PPP1R17: variants seen among roughly 807,000 people sequenced by gnomAD.
PPP1R17 encodes the protein protein phosphatase 1 regulatory subunit 17.
PPP1R17 carries 12 observed loss-of-function variants against 15.9 expected under a neutral mutation model. The ratio of observed to expected loss-of-function variants is 0.75; its 90% CI spans 0.48 to 1.22. PPP1R17 has a LOEUF of 1.22. Ranked by LOEUF, PPP1R17 falls within the 50% of genes most tolerant of loss-of-function variation. PPP1R17 has a pLI of 0.00. For synonymous variants in PPP1R17, 63 were observed against 64.5 expected, an observed-to-expected ratio of 0.98 and a Z score of 0.11; for missense variants, 211 against 187.3, an observed-to-expected ratio of 1.13 and a Z score of -0.74.
chr7:31,696,907 A>G, intron 3 of PPP1R17, 58 bp from the exon 4 acceptor site: 1 of 1,568,232 alleles, frequency 6.4e-7, no homozygotes, highest in Non-Finnish European at 8.7e-7. Flanking sequence ...CACAGTCCTC[A>G]TATATTAGGA....
intron 4 of PPP1R17, among the ~76,000 whole-genome samples, 200 bp downstream of exon 4, chr7:31,697,317 T>C (rs1413580911): frequency 6.6e-6 from 1 of 152,072 alleles, no homozygotes; most frequent in Non-Finnish European, 1.5e-5. Context: ...GATGTGGGGA[T>C]GGGAAAGGGT....
chr7:31,695,635 TC>T lies in PPP1R17; in HGVS notation c.235+15del. 6.2e-7 allele frequency: 1 copy of T among 1,608,140 alleles called. No individual in the cohort carries two copies. Among genetic ancestry groups the T allele is most frequent in the Non-Finnish European group, 8.5e-7 (1 of 1,178,128 alleles). ...CTTTCATACCAGGTAATGGACAAAG[TC>T]ATCTGCACAGCTGTAAAGGAGAGCC... On this transcript the variant is annotated intron_variant, in intron 3 of 4. Transcript: ENST00000342032.
intron 1 of PPP1R17, among the ~76,000 whole-genome samples, chr7:31,691,158 T>G (rs1381051089): frequency 6.6e-6 from 1 of 152,110 alleles, no homozygotes; most frequent in Non-Finnish European, 1.5e-5. Flanking sequence ...CTGCACAGAG[T>G]GACTCTAAAA....
At chr7:31,698,373 T>A (rs1366124544) in intron 4 of PPP1R17, among the ~76,000 whole-genome samples, 1 of 152,164 alleles carries the variant, frequency 6.6e-6, no homozygotes, top group Non-Finnish European at 1.5e-5. Flanking sequence ...CACTTCCAAT[T>A]ACCTCTATCT....
intron 4 of PPP1R17, among the ~76,000 whole-genome samples, chr7:31,699,896 GTTAAC>G (rs1159763327): frequency 2.6e-5 from 4 of 152,012 alleles, no homozygotes; most frequent in Non-Finnish European, 5.9e-5. Context: ...ATATAAGACT[GTTAAC>G]TTAATCTATA....
At chr7:31,700,455 A>G (rs1342632266) in intron 4 of PPP1R17, among the ~76,000 whole-genome samples, 1 of 152,216 alleles carries the variant, frequency 6.6e-6, no homozygotes, top group Non-Finnish European at 1.5e-5. Flanking sequence ...GATTCATGAT[A>G]TTTAAGGAAA....
At chr7:31,693,362 A>G (rs952414667) in intron 2 of PPP1R17, among the ~76,000 whole-genome samples, 1 of 152,210 alleles carries the variant, frequency 6.6e-6, no homozygotes, top group African/African-American at 2.4e-5. Context: ...ACACATGACT[A>G]TGGCATGTAA....
chr7:31,707,512 C>T lies in PPP1R17; in HGVS notation c.*229C>T. 4.0e-6 allele frequency: 2 copies of T among 495,310 alleles called. No individual in the cohort carries two copies. The highest frequency in any genetic ancestry group is 3.8e-5 in the Admixed American group (1 of 26,350). The allele number at this position is 495,310 out of a possible 1,614,324, so 30.7% of individuals were successfully genotyped here. A position where few individuals can be genotyped will look rare whatever the true frequency, so the allele number is the denominator to read the frequency against. ...TGTTTTGAATTTTTATTTTCTAATG[C>T]AGTGGAAAAGAAACAGATCATCCTA... On this transcript the variant is annotated 3_prime_UTR_variant, in exon 5 of 5. Coordinates refer to ENST00000342032, the MANE Select transcript of PPP1R17 (RefSeq NM_006658.5).
At chr7:31,696,398 T>C (rs940231036) in intron 3 of PPP1R17, among the ~76,000 whole-genome samples, 1 of 152,232 alleles carries the variant, frequency 6.6e-6, no homozygotes, top group African/African-American at 2.4e-5. Context: ...AAGGGAGTTC[T>C]TAAAAAGGAC....
intron 4 of PPP1R17, among the ~76,000 whole-genome samples, chr7:31,698,876 T>TA (rs1792726248): frequency 1.3e-5 from 2 of 152,146 alleles, no homozygotes; most frequent in Non-Finnish European, 2.9e-5. Flanking sequence ...GTCATGGGGG[T>TA]AACTGAGCAG....
chr7:31,705,670 A>G (rs563021893), intron 4 of PPP1R17, among the ~76,000 whole-genome samples: 1 of 152,334 alleles, frequency 6.6e-6, no homozygotes, highest in East Asian at 1.9e-4. Flanking sequence ...CCAGTGTGGT[A>G]GAAAGGCCTC....
intron 2 of PPP1R17, among the ~76,000 whole-genome samples, chr7:31,693,588 C>T (rs1179297091): frequency 1.3e-5 from 2 of 152,116 alleles, no homozygotes; most frequent in Non-Finnish European, 2.9e-5. Context: ...GTAGACTTAG[C>T]ATGAGAACTC....
At chr7:31,692,282 T>C in intron 1 of PPP1R17, 124 bp from the exon 2 acceptor site, 1 of 597,706 alleles carries the variant, frequency 1.7e-6, no homozygotes, top group Non-Finnish European at 2.8e-6. Flanking sequence ...GAAGCACACA[T>C]AAAGAAACAG....
In PPP1R17 at chr7:31,708,424, G is replaced by A. The variant is rs754562554; in HGVS notation, c.*1141G>A. ...TCTCACAAAGATGGAAAAGATACAA[G>A]AGCTTGCCGGAAATAAAGCTACATC... On this transcript the variant is annotated 3_prime_UTR_variant, in exon 5 of 5. Coordinates refer to ENST00000342032, the MANE Select transcript of PPP1R17 (RefSeq NM_006658.5). 1.3e-5 allele frequency: 2 copies of A among 152,206 alleles called. No homozygotes were observed. The highest frequency in any genetic ancestry group is 4.8e-5 in the African/African-American group (2 of 41,456). 9.4% of individuals were successfully genotyped at this position (152,206 alleles called of 1,614,324 possible).
chr7:31,697,157 G>A, intron 4 of PPP1R17, 40 bp downstream of exon 4: 4 of 1,607,572 alleles, frequency 2.5e-6, no homozygotes, highest in Non-Finnish European at 3.4e-6. Context: ...GGGGTGATGG[G>A]GACAGGTCAA....
chr7:31,694,932 C>G (rs1792513407), intron 2 of PPP1R17, among the ~76,000 whole-genome samples: 2 of 152,078 alleles, frequency 1.3e-5, no homozygotes, highest in Non-Finnish European at 2.9e-5. Context: ...GTTACAAAGC[C>G]AGGAACGGTG....
intron 4 of PPP1R17, among the ~76,000 whole-genome samples, chr7:31,703,451 G>A: frequency 6.6e-6 from 1 of 152,172 alleles, no homozygotes; most frequent in East Asian, 1.9e-4. Context: ...GGTGGGAAGG[G>A]GGAGAGGTTG....
At chr7:31,688,287 TAG>T (rs1323108254) in intron 1 of PPP1R17, among the ~76,000 whole-genome samples, 2 of 152,224 alleles carry the variant, frequency 1.3e-5, no homozygotes, top group Non-Finnish European at 2.9e-5. Flanking sequence ...TTCACCCAGC[TAG>T]AGAGTGGTAC....
chr7:31,708,425 A>G lies in PPP1R17; in HGVS notation c.*1142A>G, dbSNP rs1793156531. The G allele has an allele frequency of 1.3e-5, 2 of 152,222 alleles. No individual in the cohort carries two copies. The highest frequency in any genetic ancestry group is 4.8e-5 in the African/African-American group (2 of 41,462). The allele number at this position is 152,222 out of a possible 1,614,324, so 9.4% of individuals were successfully genotyped here. ...CTCACAAAGATGGAAAAGATACAAG[A>G]GCTTGCCGGAAATAAAGCTACATCT... is the stretch of plus-strand genomic sequence containing the variant. On this transcript the variant is annotated 3_prime_UTR_variant, in exon 5 of 5. Transcript: ENST00000342032.
Sources: allele counts gnomAD v4.1 joint callset (sites outside exome capture counted in the v4.1 genomes callset), GRCh38; gene constraint gnomAD v4.1.1; transcripts MANE v1.5; gene names NCBI Gene and HGNC (gene_info 2026-07-23, HGNC 2026-07-21).